CDH5: variants seen among roughly 807,000 people sequenced by gnomAD.
CDH5 encodes cadherin 5, also known as cadherin-5.
Under a neutral mutation model 62.0 loss-of-function variants are expected in CDH5, and 28 were observed. That is an observed-to-expected ratio of 0.45 (90% CI 0.33 to 0.62). The LOEUF (loss-of-function observed/expected upper bound fraction) is 0.62, where lower values mean the gene tolerates loss of function less well. Among genes scored for constraint, CDH5 ranks in the 20% least tolerant of loss-of-function variants. The probability of loss-of-function intolerance (pLI) is 0.02; values close to 1 mark genes in which losing one functional copy is unlikely to be tolerated. For missense variants in CDH5, 940 were observed against 1,065.1 expected, an observed-to-expected ratio of 0.88 and a Z score of 1.63; for synonymous variants, 464 against 445.8, an observed-to-expected ratio of 1.04 and a Z score of -0.52.
Position 66,404,423 on chromosome 16 carries a change from A to G in CDH5, c.*1254A>G, listed in dbSNP as rs1961351742. On this transcript the variant is annotated 3_prime_UTR_variant, in exon 12 of 12. Coordinates refer to ENST00000341529, the MANE Select transcript of CDH5 (RefSeq NM_001795.5). ...GGAGACACCAAGCTCACCCTTCGTC[A>G]TGGACCGAGGTTCCCACTCTGGGCA... 1 of 152,314 alleles carries G rather than the reference A, an allele frequency of 6.6e-6. No homozygotes were observed. Among genetic ancestry groups the G allele is most frequent in the African/African-American group, 2.4e-5 (1 of 41,464 alleles). 9.4% of individuals were successfully genotyped at this position (152,314 alleles called of 1,614,324 possible). A position where few individuals can be genotyped will look rare whatever the true frequency, so the allele number is the denominator to read the frequency against.
chr16:66,394,539 T>G (rs1045659558), intron 7 of CDH5, among the ~76,000 whole-genome samples: 2 of 148,648 alleles, frequency 1.3e-5, no homozygotes, highest in African/African-American at 4.9e-5. Context: ...TTTCCTCATC[T>G]TTGCTATACA....
chr16:66,375,855 C>T (rs1467562952), intron 1 of CDH5, among the ~76,000 whole-genome samples: 2 of 151,580 alleles, frequency 1.3e-5, no homozygotes, highest in Non-Finnish European at 2.9e-5. Context: ...CGCCTGCAAT[C>T]CCAGCACTTT....
chr16:66,372,873 G>A (rs1029725871), intron 1 of CDH5, among the ~76,000 whole-genome samples: 1 of 152,216 alleles, frequency 6.6e-6, no homozygotes, highest in Admixed American at 6.5e-5. Context: ...CCCAGACTGA[G>A]GGAGGGTACA....
intron 1 of CDH5, among the ~76,000 whole-genome samples, chr16:66,372,974 G>A (rs1432416971): frequency 6.6e-6 from 1 of 152,138 alleles, no homozygotes; most frequent in Non-Finnish European, 1.5e-5. Context: ...TGGATGCCTG[G>A]GACACTGCAG....
Position 66,403,280 on chromosome 16 carries a change from C to A in CDH5, c.*111C>A, listed in dbSNP as rs1961332166. 15 of 975,838 alleles carry A rather than the reference C, an allele frequency of 1.5e-5. No individual in the cohort carries two copies. In the South Asian group the frequency reaches 2.1e-4, roughly 14 times the overall value. The allele number at this position is 975,838 out of a possible 1,614,324, so 60.4% of individuals were successfully genotyped here. A position where few individuals can be genotyped will look rare whatever the true frequency, so the allele number is the denominator to read the frequency against. ...GGCAGTGACTCCCCAGCCCAGCACC[C>A]CTTCCTCGTGGGTCCCAGAGACCTC... On this transcript the variant is annotated 3_prime_UTR_variant, in exon 12 of 12. Coordinates refer to ENST00000341529, the MANE Select transcript of CDH5 (RefSeq NM_001795.5). This position sits in a 1 kb window ranked among gnomAD's most constrained non-coding sequence, Gnocchi z 4.3.
intron 6 of CDH5, 50 bp downstream of exon 6, chr16:66,390,640 G>A (rs747916386): frequency 2.6e-6 from 4 of 1,552,314 alleles, no homozygotes; most frequent in Admixed American, 1.7e-5. Context: ...GGGGCTCTTG[G>A]CACCCACAGG....
At chr16:66,376,569 C>T (rs1296121465) in intron 1 of CDH5, 1 of 152,204 alleles carries the variant, frequency 6.6e-6, no homozygotes, top group Middle Eastern at 3.2e-3. Flanking sequence ...AAACCAACCA[C>T]TGCCTGCACA....
intron 2 of CDH5, among the ~76,000 whole-genome samples, chr16:66,385,868 C>A (rs1960973645): frequency 6.6e-6 from 1 of 152,222 alleles, no homozygotes; most frequent in Non-Finnish European, 1.5e-5. Context: ...AATCAGCTCA[C>A]AAATATTCCT....
In CDH5 at chr16:66,392,625, C is replaced by A. The variant is rs1961109113; in HGVS notation, c.1217+242C>A. The A allele has an allele frequency of 9.3e-6, 5 of 537,610 alleles. No homozygotes were observed. In the Admixed American group the frequency reaches 1.3e-4, roughly 13 times the overall value. The allele number at this position is 537,610 out of a possible 1,614,324, so 33.3% of individuals were successfully genotyped here. On this transcript the variant is annotated intron_variant, in intron 7 of 11. Coordinates refer to ENST00000341529, the MANE Select transcript of CDH5 (RefSeq NM_001795.5). ...CCAGAGCTACTTGTCCTCTGTCCGG[C>A]CTTGAAGGCTTATTCTCTGCACCAC... is the stretch of plus-strand genomic sequence containing the variant.
intron 7 of CDH5, 185 bp downstream of exon 7, chr16:66,392,568 T>A: frequency 1.4e-6 from 1 of 707,166 alleles, no homozygotes. Flanking sequence ...TTGACCTGCC[T>A]GGACTCCCCC....
intron 1 of CDH5, among the ~76,000 whole-genome samples, chr16:66,369,894 G>A (rs931433028): frequency 1.3e-5 from 2 of 152,182 alleles, no homozygotes; most frequent in Non-Finnish European, 2.9e-5. Context: ...TGTGGAAAGG[G>A]GCATGTGGCA....
intron 9 of CDH5, 52 bp downstream of exon 9, chr16:66,398,158 G>A (rs779603478): frequency 3.1e-6 from 5 of 1,609,152 alleles, no homozygotes; most frequent in African/African-American, 1.3e-5. Context: ...GGGGCAGGCT[G>A]GGGGGCAGAA....
At chr16:66,375,870 G>C (rs892851437) in intron 1 of CDH5, among the ~76,000 whole-genome samples, 5 of 151,840 alleles carry the variant, frequency 3.3e-5, no homozygotes, top group African/African-American at 1.2e-4. Context: ...CACTTTGGGA[G>C]GCTGACGCGG....
rs142148614 is a variant in CDH5, at chr16:66,400,940, C to T, written c.1761C>T (p.Cys587=). ...ACGAGCAGGGCGAGTTCACCTTCTG[C>T]GAGGATATGGCCGCCCAGGTGGGCG... ...KCNEQGEFTF[C]EDMAAQVGVS... Residue 587 remains cysteine, a synonymous_variant, in exon 11 of 12, where the codon TGC becomes TGT. Coordinates refer to ENST00000341529, the MANE Select transcript of CDH5 (RefSeq NM_001795.5). 13 of 1,614,056 alleles carry T rather than the reference C, an allele frequency of 8.1e-6. No individual in the cohort carries two copies. The highest frequency in any genetic ancestry group is 1.6e-4 in the Middle Eastern group (1 of 6,080).
chr16:66,381,694 C>T (rs1040148534), intron 2 of CDH5, among the ~76,000 whole-genome samples: 3 of 152,308 alleles, frequency 2.0e-5, no homozygotes, highest in African/African-American at 7.2e-5. Context: ...TCCCCACCCT[C>T]ATGGAGAGGG....
chr16:66,373,346 T>C (rs1596925620), intron 1 of CDH5, among the ~76,000 whole-genome samples: 2 of 152,012 alleles, frequency 1.3e-5, no homozygotes, highest in East Asian at 3.9e-4. Flanking sequence ...CTCTGCATCA[T>C]GATGGGAAGG....
Position 66,402,681 on chromosome 16 carries a change from C to T in CDH5, c.1867C>T (p.Arg623Trp), listed in dbSNP as rs538421773. 4 of 1,603,542 alleles carry T rather than the reference C, an allele frequency of 2.5e-6. No individual in the cohort carries two copies. Among genetic ancestry groups the T allele is most frequent in the Admixed American group, 1.7e-5 (1 of 59,292 alleles). Residue 623 changes from arginine to tryptophan, a missense_variant, in exon 12 of 12, where the codon CGG (arginine) becomes TGG (tryptophan). By Grantham distance (101) the Arg-to-Trp change is moderately radical. Coordinates refer to ENST00000341529, the MANE Select transcript of CDH5 (RefSeq NM_001795.5). ...CACCCTGCTCATCTTCCTGCGGCGG[C>T]GGCTCCGGAAGCAGGCCCGCGCGCA... ...VITLLIFLRR[R>W]LRKQARAHGK...
chr16:66,382,434 C>G (rs1261574883), intron 2 of CDH5, among the ~76,000 whole-genome samples: 2 of 152,136 alleles, frequency 1.3e-5, no homozygotes, highest in Non-Finnish European at 2.9e-5. Context: ...AACCAGCATT[C>G]CTGACTCTCA....
At chr16:66,400,307 C>A (rs1961257922) in intron 10 of CDH5, among the ~76,000 whole-genome samples, 1 of 152,224 alleles carries the variant, frequency 6.6e-6, no homozygotes, top group African/African-American at 2.4e-5. Flanking sequence ...CTGTTTTCAA[C>A]AATGTAACAA....
Sources: gnomAD v4.1 joint callset for allele counts (sites outside exome capture counted in the v4.1 genomes callset) on GRCh38, gnomAD v4.1.1 for gene constraint, Gnocchi (gnomAD v3.1) non-coding constraint, MANE v1.5 for transcripts, NCBI Gene and HGNC (gene_info 2026-07-23, HGNC 2026-07-21) for gene names.